Variants in MVB12B observed in about 807,000 individuals in gnomAD.
MVB12B encodes the protein ESCRT-I complex subunit MVB12B.
MVB12B carries 16 observed loss-of-function variants against 41.6 expected under a neutral mutation model. The observed-to-expected ratio is 0.38, with a 90% CI of 0.26 to 0.58. MVB12B has a LOEUF of 0.58. Ranked by LOEUF, MVB12B falls within the 20% of genes least tolerant of loss-of-function variation. The probability of loss-of-function intolerance (pLI) is 0.62; values close to 1 mark genes in which losing one functional copy is unlikely to be tolerated. For synonymous variants in MVB12B, 133 were observed against 139.7 expected (o/e 0.95, Z 0.34); for missense variants, 274 against 380.2 (o/e 0.72, Z 2.32).
At chr9:126,365,269 G>A (rs1015453739) in intron 2 of MVB12B, among the ~76,000 whole-genome samples, 4 of 131,296 alleles carry the variant, frequency 3.0e-5, no homozygotes, top group African/African-American at 1.2e-4. Flanking sequence ...GTTTCACCGT[G>A]TTAGCCAGAA....
At position 126,389,990 on chromosome 9, in the gene MVB12B, C is replaced by G. The variant is rs1052239413; in HGVS notation, c.410-2076C>G. Among the ~76,000 whole-genome samples the G allele has an allele frequency of 6.6e-6, 1 of 152,076 alleles. No individual in the cohort carries two copies. Among genetic ancestry groups the G allele is most frequent in the Non-Finnish European group, 1.5e-5 (1 of 67,996 alleles). On this transcript the variant is annotated intron_variant, in intron 4 of 9. Coordinates refer to ENST00000361171, the MANE Select transcript of MVB12B (RefSeq NM_033446.3). This position sits in a 1 kb window ranked among gnomAD's most constrained non-coding sequence, Gnocchi z 4.4. ...CCCTACCCCCCTCAAAATATAATAA[C>G]AAAACAATTCCACTGATTTTCTTGT...
chr9:126,340,663 C>G lies in MVB12B; in HGVS notation c.204+33C>G. 3.1e-6 allele frequency: 5 copies of G among 1,608,714 alleles called. No individual in the cohort carries two copies. Among genetic ancestry groups the G allele is most frequent in the Non-Finnish European group, 4.3e-6 (5 of 1,176,064 alleles). On this transcript the variant is annotated intron_variant, in intron 2 of 9. Coordinates refer to ENST00000361171, the MANE Select transcript of MVB12B (RefSeq NM_033446.3). The surrounding 1 kb of genome is among the most constrained non-coding windows in gnomAD (Gnocchi z 4.0). ...AAGATACTAGTTTGTACATTTTGCT[C>G]ACTGATTCTACAAGTATTTATCTCC... is the stretch of plus-strand genomic sequence containing the variant.
chr9:126,403,608 A>G (rs1045895604), intron 6 of MVB12B, among the ~76,000 whole-genome samples: 6 of 152,224 alleles, frequency 3.9e-5, no homozygotes, highest in African/African-American at 1.4e-4. Context: ...AAAAGAGGCT[A>G]GTCACACAGA....
chr9:126,407,739 G>A (rs1218220266), intron 6 of MVB12B, among the ~76,000 whole-genome samples: 1 of 152,106 alleles, frequency 6.6e-6, no homozygotes, highest in East Asian at 1.9e-4. Context: ...TATTACCAAA[G>A]ACCGTGTTGT....
At chr9:126,437,950 T>C (rs1405547270) in intron 7 of MVB12B, among the ~76,000 whole-genome samples, 2 of 152,224 alleles carry the variant, frequency 1.3e-5, no homozygotes, top group Non-Finnish European at 2.9e-5. Context: ...TCTACTATAT[T>C]ACATTGACCA....
intron 6 of MVB12B, among the ~76,000 whole-genome samples, chr9:126,418,619 T>C (rs1831897615): frequency 6.6e-6 from 1 of 152,196 alleles, no homozygotes; most frequent in Non-Finnish European, 1.5e-5. Flanking sequence ...TTAAAAATCA[T>C]TCCAGAGAAA....
intron 2 of MVB12B, among the ~76,000 whole-genome samples, chr9:126,361,854 C>T (rs1348587068): frequency 1.4e-5 from 2 of 145,786 alleles, no homozygotes; most frequent in East Asian, 2.0e-4. Flanking sequence ...GTCAAGGCTG[C>T]AGTGAGCTGT....
At chr9:126,426,191 T>C (rs1832171046) in intron 7 of MVB12B, among the ~76,000 whole-genome samples, 1 of 152,230 alleles carries the variant, frequency 6.6e-6, no homozygotes, top group Non-Finnish European at 1.5e-5. Context: ...TCTCTGGCCT[T>C]TTACAGAAAA....
At chr9:126,363,371 G>A (rs751477892) in intron 2 of MVB12B, among the ~76,000 whole-genome samples, 16 of 152,132 alleles carry the variant, frequency 1.1e-4, no homozygotes, top group Non-Finnish European at 1.6e-4. Flanking sequence ...ACAAACTACC[G>A]TGTGTGTAGG....
intron 7 of MVB12B, among the ~76,000 whole-genome samples, chr9:126,477,543 G>C (rs1833445498): frequency 6.6e-6 from 1 of 152,168 alleles, no homozygotes; most frequent in Non-Finnish European, 1.5e-5. Context: ...GGCAAAGGAG[G>C]AGCAAAGGCA....
chr9:126,460,900 T>A (rs1224374485), intron 7 of MVB12B, among the ~76,000 whole-genome samples: 1 of 152,122 alleles, frequency 6.6e-6, no homozygotes, highest in African/African-American at 2.4e-5. Context: ...GCCTTGAGGA[T>A]TAAATCAGTC....
intron 7 of MVB12B, among the ~76,000 whole-genome samples, chr9:126,443,551 A>G (rs1312309165): frequency 6.6e-6 from 1 of 152,366 alleles, no homozygotes; most frequent in East Asian, 1.9e-4. Context: ...CATTGTAGAA[A>G]AGTTACAAAA....
chr9:126,377,260 G>A (rs1467143711), intron 2 of MVB12B, among the ~76,000 whole-genome samples: 1 of 152,222 alleles, frequency 6.6e-6, no homozygotes, highest in Non-Finnish European at 1.5e-5. Context: ...TTGTGAGAAT[G>A]TGTGAGTGTG....
At chr9:126,364,017 G>A (rs1830096109) in intron 2 of MVB12B, among the ~76,000 whole-genome samples, 1 of 152,138 alleles carries the variant, frequency 6.6e-6, no homozygotes, top group South Asian at 2.1e-4. Flanking sequence ...TGTACCCCCA[G>A]TACCCAGCAC....
At chr9:126,487,898 G>A (rs920298194) in intron 9 of MVB12B, among the ~76,000 whole-genome samples, 5 of 152,296 alleles carry the variant, frequency 3.3e-5, no homozygotes, top group Admixed American at 1.3e-4. Context: ...AACAAGTATC[G>A]CTGCAGTGGA....
At chr9:126,418,177 G>C (rs972265183) in intron 6 of MVB12B, among the ~76,000 whole-genome samples, 3 of 151,404 alleles carry the variant, frequency 2.0e-5, no homozygotes, top group Non-Finnish European at 2.9e-5. Context: ...GGTGGGGGGT[G>C]GTGGGCAGAA....
At position 126,506,153 on chromosome 9, in the gene MVB12B, C is replaced by T. The variant is rs76135573; in HGVS notation, c.*2890C>T. On this transcript the variant is annotated 3_prime_UTR_variant, in exon 10 of 10. Coordinates refer to ENST00000361171, the MANE Select transcript of MVB12B (RefSeq NM_033446.3). ...CAAATGCCAGCCACGTCCTCCGCCA[C>T]TTGGAGAGATGAGAACCCAGTGGGG... The T allele has an allele frequency of 3.6e-3, 548 of 152,742 alleles. 8 individuals carry two copies. The East Asian group carries it at 0.041, about 11-fold the overall frequency. The allele number at this position is 152,742 out of a possible 1,614,324, so 9.5% of individuals were successfully genotyped here.
chr9:126,375,664 C>T (rs1300427437), intron 2 of MVB12B, among the ~76,000 whole-genome samples: 1 of 152,142 alleles, frequency 6.6e-6, no homozygotes, highest in African/African-American at 2.4e-5. Context: ...ATGCATCCTC[C>T]AGTAGCTTCC....
chr9:126,427,963 T>C (rs1832228306), intron 7 of MVB12B, among the ~76,000 whole-genome samples: 1 of 152,152 alleles, frequency 6.6e-6, no homozygotes, highest in Non-Finnish European at 1.5e-5. Flanking sequence ...TTTCTTTTTT[T>C]TTTTTTGCTT....
Sources: allele counts gnomAD v4.1 joint callset (sites outside exome capture counted in the v4.1 genomes callset), GRCh38; gene constraint gnomAD v4.1.1; non-coding constraint Gnocchi (gnomAD v3.1); transcripts MANE v1.5; gene names NCBI Gene and HGNC (gene_info 2026-07-23, HGNC 2026-07-21).